The following KCNIP4 variants were observed in gnomAD, a reference collection of about 807,000 sequenced individuals.
The protein encoded by KCNIP4 is Kv channel-interacting protein 4.
In KCNIP4, 12 loss-of-function variants were observed where a neutral mutation model predicts 34.0. The ratio of observed to expected loss-of-function variants is 0.35; its 90% CI spans 0.23 to 0.57. The LOEUF is 0.57. Ranked by LOEUF, KCNIP4 falls within the 20% of genes least tolerant of loss-of-function variation. The pLI is 0.83. For synonymous variants in KCNIP4, 124 were observed against 102.2 expected (o/e 1.21, Z -1.29); for missense variants, 238 against 311.7 (o/e 0.76, Z 1.78).
intron 1 of KCNIP4, among the ~76,000 whole-genome samples, chr4:21,352,825 G>A (rs1230697698): frequency 6.6e-6 from 1 of 152,198 alleles, no homozygotes; most frequent in Non-Finnish European, 1.5e-5. Context: ...CTCCTTAAGT[G>A]GGTCCCTGAT....
At chr4:21,128,184 A>T (rs1560747414) in intron 1 of KCNIP4, among the ~76,000 whole-genome samples, 1 of 152,218 alleles carries the variant, frequency 6.6e-6, no homozygotes, top group Non-Finnish European at 1.5e-5. Flanking sequence ...TTGAAAACAC[A>T]ATAAAGTACA....
chr4:21,744,409 G>A (rs958437081), intron 1 of KCNIP4, among the ~76,000 whole-genome samples: 22 of 152,246 alleles, frequency 1.4e-4, no homozygotes, highest in African/African-American at 4.6e-4. Flanking sequence ...CTTTGTCTTT[G>A]CATGGTCTAC....
intron 1 of KCNIP4, among the ~76,000 whole-genome samples, chr4:21,053,466 G>C (rs922023028): frequency 6.6e-6 from 1 of 152,154 alleles, no homozygotes; most frequent in African/African-American, 2.4e-5. Context: ...AACAAGGAAG[G>C]ATTCCTCTCT....
intron 1 of KCNIP4, among the ~76,000 whole-genome samples, chr4:21,439,161 CAAAAAA>C (rs76317670): frequency 1.1e-5 from 1 of 93,274 alleles, no homozygotes; most frequent in Non-Finnish European, 2.0e-5. Flanking sequence ...TAATCTGTCT[CAAAAAA>C]AAAAAAAAAA....
intron 1 of KCNIP4, among the ~76,000 whole-genome samples, chr4:20,943,906 AG>A (rs1731913496): frequency 6.6e-6 from 1 of 152,196 alleles, no homozygotes; most frequent in Non-Finnish European, 1.5e-5. Flanking sequence ...TATTATTGAG[AG>A]CACAAGGAAG....
chr4:21,856,465 G>C (rs373223619), intron 1 of KCNIP4, among the ~76,000 whole-genome samples: 5 of 152,160 alleles, frequency 3.3e-5, no homozygotes, highest in African/African-American at 1.2e-4. Flanking sequence ...AGGACTGGCC[G>C]GGGCTGCCAC....
At chr4:21,359,795 C>T (rs1260857598) in intron 1 of KCNIP4, among the ~76,000 whole-genome samples, 1 of 151,870 alleles carries the variant, frequency 6.6e-6, no homozygotes, top group African/African-American at 2.4e-5. Context: ...TCAAATTGGT[C>T]CTGAGGTCAA....
At chr4:21,137,788 A>G (rs1231060207) in intron 1 of KCNIP4, among the ~76,000 whole-genome samples, 3 of 151,720 alleles carry the variant, frequency 2.0e-5, no homozygotes, top group African/African-American at 7.3e-5. Flanking sequence ...TAAAAACTCT[A>G]GATGTTATTA....
At chr4:20,773,533 A>ACGG (rs1211280966) in intron 3 of KCNIP4, among the ~76,000 whole-genome samples, 2 of 152,184 alleles carry the variant, frequency 1.3e-5, no homozygotes. Flanking sequence ...TGGAGCTCAG[A>ACGG]CGGCGCTCAG....
intron 1 of KCNIP4, among the ~76,000 whole-genome samples, chr4:21,563,513 A>G (rs1046576091): frequency 6.6e-6 from 1 of 152,150 alleles, no homozygotes; most frequent in Non-Finnish European, 1.5e-5. Context: ...GATAACAGAT[A>G]TGATAGGCAA....
At chr4:21,825,311 G>A (rs1722610065) in intron 1 of KCNIP4, among the ~76,000 whole-genome samples, 1 of 151,760 alleles carries the variant, frequency 6.6e-6, no homozygotes, top group South Asian at 2.1e-4. Flanking sequence ...AACCAGCTCT[G>A]ACATTTATTT....
At position 21,755,611 on chromosome 4, in the gene KCNIP4, A is replaced by G. The variant is rs138883871; in HGVS notation, c.61+192960T>C. 3.8e-4 allele frequency among the ~76,000 whole-genome samples: 58 copies of G among 152,242 alleles called. No individual in the cohort carries two copies. In the East Asian group the frequency reaches 0.01, roughly 27 times the overall value. Reference sequence around the variant, plus strand: ...AATCAATTGATCAGGCTGTGGAAGGAGGTATAGTGGCACCCATACATTTAT... The same window carrying G: ...AATCAATTGATCAGGCTGTGGAAGGGGGTATAGTGGCACCCATACATTTAT... On this transcript the variant is annotated intron_variant, in intron 1 of 8. Coordinates refer to ENST00000382152, the MANE Select transcript of KCNIP4 (RefSeq NM_025221.6).
At chr4:21,061,001 T>A (rs562448037) in intron 1 of KCNIP4, among the ~76,000 whole-genome samples, 2 of 152,148 alleles carry the variant, frequency 1.3e-5, no homozygotes, top group South Asian at 4.1e-4. Flanking sequence ...TGTTAAAAGA[T>A]ATGCACGTCT....
At chr4:21,820,308 T>TATATATACATATATACAC (rs1560738730) in intron 1 of KCNIP4, among the ~76,000 whole-genome samples, 2 of 108,770 alleles carry the variant, frequency 1.8e-5, no homozygotes, top group Admixed American at 8.7e-5. Context: ...TATATATATA[T>TATATATACATATATACAC]ATATATATAT....
chr4:21,199,445 T>A (rs1466099488), intron 1 of KCNIP4, among the ~76,000 whole-genome samples: 1 of 152,244 alleles, frequency 6.6e-6, no homozygotes, highest in Admixed American at 6.5e-5. Flanking sequence ...TTTGTTTAAG[T>A]TCTTTGTAGA....
At chr4:20,749,209 A>G (rs926575670) in intron 5 of KCNIP4, among the ~76,000 whole-genome samples, 8 of 150,042 alleles carry the variant, frequency 5.3e-5, no homozygotes, top group Non-Finnish European at 7.4e-5. Context: ...TTGTAATTTA[A>G]AAAGAGATTT....
intron 1 of KCNIP4, among the ~76,000 whole-genome samples, chr4:21,075,694 G>T (rs567230840): frequency 1.2e-4 from 19 of 152,240 alleles, no homozygotes; most frequent in Admixed American, 1.0e-3. Context: ...GATGTTAGCT[G>T]GTTGTTTTGC....
rs568975241 is a variant in KCNIP4 at position 21,788,998 on chromosome 4, G to A, written c.61+159573C>T. ...TGAGGCAGAAGGATTGCTTGAACCCGGGAGGCAGAGGCTGCAATGAGCTGA... is the reference window on the plus strand; with the variant it reads ...TGAGGCAGAAGGATTGCTTGAACCCAGGAGGCAGAGGCTGCAATGAGCTGA... On this transcript the variant is annotated intron_variant, in intron 1 of 8. Transcript: ENST00000382152. 6.6e-5 allele frequency among the ~76,000 whole-genome samples: 10 copies of A among 150,618 alleles called. 1 individual carries two copies. Among genetic ancestry groups the A allele is most frequent in the African/African-American group, 2.2e-4 (9 of 40,978 alleles).
rs1239988639 is a variant in KCNIP4, at chr4:21,200,311, CAT to C, written c.62-317604_62-317603del. 3.3e-3 allele frequency among the ~76,000 whole-genome samples: 345 copies of C among 105,566 alleles called. 45 individuals carry two copies. The highest frequency in any genetic ancestry group is 0.016 in the African/African-American group (327 of 20,364). The allele number at this position is 105,566 out of a possible 152,430, so 69.3% of individuals were successfully genotyped here. ...GTGTGTGTGTGTGTGTATATATATA[CAT>C]ACATATATGTGTGTATATATATATA... On this transcript the variant is annotated intron_variant, in intron 1 of 8. Coordinates refer to ENST00000382152, the MANE Select transcript of KCNIP4 (RefSeq NM_025221.6).
Sources: gnomAD v4.1 joint callset for allele counts (sites outside exome capture counted in the v4.1 genomes callset) on GRCh38, gnomAD v4.1.1 for gene constraint, MANE v1.5 for transcripts, NCBI Gene and HGNC (gene_info 2026-07-23, HGNC 2026-07-21) for gene names.